BRD9: variants seen among roughly 807,000 people sequenced by gnomAD.
BRD9 encodes the protein bromodomain containing 9, also known as bromodomain-containing protein 9.
A neutral mutation model predicts 68.7 loss-of-function variants in BRD9; 47 were observed. That is an observed-to-expected ratio of 0.68 (90% CI 0.54 to 0.87). BRD9 has a LOEUF of 0.87. BRD9 is among the 40% of genes least tolerant of loss of function. BRD9 has a pLI of 0.00. For missense variants in BRD9, 670 were observed against 748.4 expected (o/e 0.90, Z 1.22); for synonymous variants, 313 against 293.9 (o/e 1.06, Z -0.67).
rs76774211 is a variant in BRD9, at chr5:878,428, C to T, written c.1198G>A (p.Asp400Asn). Residue 400 changes from aspartate (D) to asparagine (N), a missense_variant, in exon 11 of 16, where the codon GAC (aspartate) becomes AAC (asparagine). By Grantham distance (23) the Asp-to-Asn change is conservative. Transcript: ENST00000467963. Reference sequence around the variant, plus strand: ...AGCTCCATCTCGTCCGACTTCAAGTCGCCAAATACTGAATTATTCTGCATC... The same window carrying T: ...AGCTCCATCTCGTCCGACTTCAAGTTGCCAAATACTGAATTATTCTGCATC... ...LSMQNNSVFG[D>N]LKSDEMELLY... 9.0e-5 allele frequency: 145 copies of T among 1,614,222 alleles called. No individual in the cohort carries two copies. In the East Asian group the frequency reaches 2.7e-3, roughly 30 times the overall value.
At chr5:885,223 C>T (rs1223442796) in intron 7 of BRD9, among the ~76,000 whole-genome samples, 2 of 152,238 alleles carry the variant, frequency 1.3e-5, no homozygotes, top group Admixed American at 6.5e-5. Flanking sequence ...CACACGGCAG[C>T]GGGGTGGGAA....
intron 1 of BRD9, 186 bp downstream of exon 1, chr5:892,420 C>T: frequency 7.5e-7 from 1 of 1,338,648 alleles, no homozygotes; most frequent in Non-Finnish European, 9.7e-7. Flanking sequence ...TAAGCGCCTA[C>T]CCAGGACCCC....
At chr5:868,217 C>G (rs1749636002) in intron 14 of BRD9, among the ~76,000 whole-genome samples, 1 of 152,192 alleles carries the variant, frequency 6.6e-6, no homozygotes, top group Admixed American at 6.5e-5. Context: ...TTTCCTGATG[C>G]CTCCCAGCCA....
At chr5:870,032 CG>C (rs1749908170) in intron 14 of BRD9, among the ~76,000 whole-genome samples, 1 of 152,202 alleles carries the variant, frequency 6.6e-6, no homozygotes, top group Non-Finnish European at 1.5e-5. Flanking sequence ...ATTTATTCTG[CG>C]GGGTGTCACC....
chr5:877,033 C>A (rs914502894), intron 11 of BRD9, among the ~76,000 whole-genome samples: 8 of 152,252 alleles, frequency 5.3e-5, no homozygotes, highest in Middle Eastern at 3.2e-3. Context: ...GTTGCCCCTG[C>A]AGCCACAAGG....
intron 15 of BRD9, 136 bp downstream of exon 15, chr5:865,278 C>T (rs924890171): frequency 8.1e-6 from 10 of 1,233,366 alleles, no homozygotes; most frequent in African/African-American, 1.5e-5. Flanking sequence ...CTGTGGAAAC[C>T]GACCTCCACA....
rs961368495 is a variant in BRD9, at chr5:891,811, C to T, written c.96G>A (p.Leu32=). ...KPLEKPLKLV[L]KVGGSEVTEL... is the part of the protein sequence containing the mutation. ...CAGTCACTTCACTTCCTCCGACCTT[C>T]AGGACTAGCTTTAGAGGCTTCTCCA... Residue 32 remains leucine (L), a synonymous_variant, in exon 2 of 16, where the codon CTG becomes CTA. Coordinates refer to ENST00000467963, the MANE Select transcript of BRD9 (RefSeq NM_023924.5). 25 of 1,551,514 alleles carry T rather than the reference C, an allele frequency of 1.6e-5. No homozygotes were observed. The highest frequency in any genetic ancestry group is 2.7e-5 in the African/African-American group (2 of 73,024).
chr5:892,664 G>T lies in BRD9; in HGVS notation c.-7C>A. 7.1e-7 allele frequency: 1 copy of T among 1,413,726 alleles called. No individual in the cohort carries two copies. The highest frequency in any genetic ancestry group is 9.2e-7 in the Non-Finnish European group (1 of 1,082,038). The allele number at this position is 1,413,726 out of a possible 1,614,324, so 87.6% of individuals were successfully genotyped here. ...TCTTGTGCTTCTTGCCCATGGCGGC[G>T]CCGGCGGCGGGCCCGAGGCGGGGGC... On this transcript the variant is annotated 5_prime_UTR_variant, in exon 1 of 16. Coordinates refer to ENST00000467963, the MANE Select transcript of BRD9 (RefSeq NM_023924.5).
At chr5:881,504 G>A in intron 8 of BRD9, 1 of 416,858 alleles carries the variant, frequency 2.4e-6, no homozygotes, top group Non-Finnish European at 4.4e-6. Flanking sequence ...GGTCAGCATG[G>A]CACTGCCCTG....
Position 870,648 on chromosome 5 carries a change from A to G in BRD9, c.1423-73T>C, listed in dbSNP as rs539411655. 29 of 1,058,180 alleles carry G rather than the reference A, an allele frequency of 2.7e-5. No individual in the cohort carries two copies. In the African/African-American group the frequency reaches 4.4e-4, roughly 16 times the overall value. 65.5% of individuals were successfully genotyped at this position (1,058,180 alleles called of 1,614,324 possible). On this transcript the variant is annotated intron_variant, in intron 13 of 15. Transcript: ENST00000467963. ...AACGAAATGTTACTTCACACTCGCT[A>G]TTGAAATCACTCTAATTATTTGCTA...
intron 12 of BRD9, 37 bp from the exon 13 acceptor site, chr5:871,601 G>A: frequency 1.3e-6 from 2 of 1,594,848 alleles, no homozygotes; most frequent in Non-Finnish European, 1.7e-6. Context: ...AGTTTTTCCA[G>A]AGTGATTTCA....
chr5:892,636 G>T lies in BRD9; in HGVS notation c.22C>A (p.His8Asn), dbSNP rs1265650990. 2.0e-6 allele frequency: 3 copies of T among 1,487,348 alleles called. No individual in the cohort carries two copies. Among genetic ancestry groups the T allele is most frequent in the Non-Finnish European group, 1.8e-6 (2 of 1,118,456 alleles). 92.1% of individuals were successfully genotyped at this position (1,487,348 alleles called of 1,614,324 possible). Residue 8 changes from histidine (H) to asparagine (N), a missense_variant, in exon 1 of 16, where the codon CAC becomes AAC. Physicochemically the swap from His to Asn is moderately conservative, Grantham distance 68. Around this residue, in one of 5 missense-constraint regions of BRD9, gnomAD observed 161 missense variants for 148.1 expected, o/e 1.09. Transcript: ENST00000467963. ...TAGGACGAGCGCCACTCGGCCTTGT[G>T]CTTCTTGTGCTTCTTGCCCATGGCG... Reference protein sequence around the residue: MGKKHKKHKAEWRSSYED... With the variant: MGKKHKKNKAEWRSSYED...
chr5:888,859 A>C (rs1218906997), intron 5 of BRD9, among the ~76,000 whole-genome samples, 162 bp downstream of exon 5: 1 of 152,212 alleles, frequency 6.6e-6, no homozygotes, highest in Non-Finnish European at 1.5e-5. Flanking sequence ...AACGTTCACG[A>C]CCAATCATTT....
chr5:887,084 C>A (rs763565050), intron 6 of BRD9, among the ~76,000 whole-genome samples: 1 of 152,252 alleles, frequency 6.6e-6, no homozygotes, highest in Non-Finnish European at 1.5e-5. Flanking sequence ...GCAAAACAAG[C>A]CCGCAATGCT....
intron 14 of BRD9, 156 bp from the exon 15 acceptor site, chr5:865,737 G>A (rs1406733023): frequency 5.1e-6 from 4 of 780,566 alleles, no homozygotes; most frequent in Admixed American, 2.8e-5. Context: ...CAGGTGGACA[G>A]GCCTGGAGGA....
Position 889,137 on chromosome 5 carries a change from G to T in BRD9, c.490C>A (p.Pro164Thr). 6.2e-7 allele frequency: 1 copy of T among 1,607,952 alleles called. No homozygotes were observed. The highest frequency in any genetic ancestry group is 8.5e-7 in the Non-Finnish European group (1 of 1,178,700). The change falls in exon 5 of 16, where the codon CCT becomes ACT. Residue 164 changes from proline (P) to threonine (T), a missense_variant. Pro to Thr is a conservative substitution (Grantham distance 38, BLOSUM62 -1). Coordinates refer to ENST00000467963, the MANE Select transcript of BRD9 (RefSeq NM_023924.5). The stretch of plus-strand genomic sequence containing the variant: ...CCAGGAGCAATTGCATCCGTGACAG[G>T]AAAAGCAAAAAATCCATGGGGATCT... ...RKDPHGFFAF[P>T]VTDAIAPGYS...
At chr5:885,876 G>C (rs1250745039) in intron 7 of BRD9, among the ~76,000 whole-genome samples, 2 of 152,230 alleles carry the variant, frequency 1.3e-5, no homozygotes, top group Non-Finnish European at 2.9e-5. Context: ...CATAGGTGGA[G>C]GAGCGTCTAC....
chr5:865,974 T>G, intron 14 of BRD9: 2 of 167,600 alleles, frequency 1.2e-5, no homozygotes, highest in Non-Finnish European at 2.5e-5. Flanking sequence ...CAGACCCTGG[T>G]ACCCGCCCAG....
At chr5:886,949 CA>C in intron 6 of BRD9, 1 of 602,976 alleles carries the variant, frequency 1.7e-6, no homozygotes, top group Non-Finnish European at 2.8e-6. Context: ...GCAGGTGCCG[CA>C]CCTCCCCTTT....
Sources: gnomAD v4.1 joint callset for allele counts (sites outside exome capture counted in the v4.1 genomes callset) on GRCh38, gnomAD v4.1.1 for gene constraint, gnomAD v4.1.1 regional missense constraint, MANE v1.5 for transcripts, NCBI Gene and HGNC (gene_info 2026-07-23, HGNC 2026-07-21) for gene names.